NOL4: variants seen among roughly 807,000 people sequenced by gnomAD.
NOL4 encodes the protein cancer/testis antigen 125.
Under a neutral mutation model 75.9 loss-of-function variants are expected in NOL4, and 17 were observed. The ratio of observed to expected loss-of-function variants is 0.22; its 90% CI spans 0.15 to 0.34. NOL4 has a LOEUF of 0.34. NOL4 is among the 10% of genes least tolerant of loss of function. The pLI, the probability that NOL4 is intolerant of heterozygous loss-of-function variation, is 1.00. For synonymous variants in NOL4, 292 were observed against 289.9 expected (o/e 1.01, Z -0.07); for missense variants, 614 against 793.5 (o/e 0.77, Z 2.72).
At position 34,074,439 on chromosome 18, in the gene NOL4, A is replaced by G. The variant is rs192409669; in HGVS notation, c.772+19026T>C. Among the ~76,000 whole-genome samples, 353 of 152,052 alleles carry G rather than the reference A, an allele frequency of 2.3e-3. 1 individual carries two copies. Among genetic ancestry groups the G allele is most frequent in the African/African-American group, 8.0e-3 (331 of 41,570 alleles). On this transcript the variant is annotated intron_variant, in intron 5 of 10. Transcript: ENST00000261592. ...TGTAATAAACACAAACAAAAAATACATACACTAAGAAATTTGCAAGTTTTT... is the reference window on the plus strand; with the variant it reads ...TGTAATAAACACAAACAAAAAATACGTACACTAAGAAATTTGCAAGTTTTT...
rs78680452 is a variant in NOL4, at chr18:33,980,437, C to T, written c.1057-22019G>A. ...ATAGCAAAAGGAGGGGAAAAGTAAC[C>T]ATTTTGAAACATGCCAGAGCATTCT... On this transcript the variant is annotated intron_variant, in intron 6 of 10. Transcript: ENST00000261592. Among the ~76,000 whole-genome samples the T allele has an allele frequency of 4.6e-5, 7 of 151,942 alleles. No individual in the cohort carries two copies. The East Asian group carries it at 1.2e-3, about 25-fold the overall frequency.
intron 5 of NOL4, among the ~76,000 whole-genome samples, chr18:34,051,054 T>C (rs1207876418): frequency 1.3e-5 from 2 of 152,012 alleles, no homozygotes; most frequent in Non-Finnish European, 2.9e-5. Context: ...AGTATCTTTA[T>C]GAGAATTCAA....
chr18:34,071,457 A>ACT (rs2077516572), intron 5 of NOL4, among the ~76,000 whole-genome samples: 1 of 151,820 alleles, frequency 6.6e-6, no homozygotes, highest in African/African-American at 2.4e-5. Context: ...ACACACACAC[A>ACT]CACACACACA....
chr18:34,207,735 A>G (rs1284682769), intron 1 of NOL4, among the ~76,000 whole-genome samples: 1 of 152,140 alleles, frequency 6.6e-6, no homozygotes, highest in Non-Finnish European at 1.5e-5. Flanking sequence ...ACACAATTCC[A>G]TGGGATTGAG....
intron 5 of NOL4, among the ~76,000 whole-genome samples, chr18:34,076,004 G>C (rs2077729210): frequency 6.6e-6 from 1 of 151,954 alleles, no homozygotes; most frequent in Admixed American, 6.6e-5. Flanking sequence ...TTATAAGAAA[G>C]AAAATATAAG....
Position 34,046,618 on chromosome 18 carries a change from A to ATATATATATATATATATATATG in NOL4, c.773-27018_773-27017insCATATATATATATATATATATA, listed in dbSNP as rs1304850540. On this transcript the variant is annotated intron_variant, in intron 5 of 10. Transcript: ENST00000261592. Reference sequence around the variant, plus strand: ...ACTATTTACTTATACATATATATATATATATATATATATATATATGTATAT... The same window carrying ATATATATATATATATATATATG: ...ACTATTTACTTATACATATATATATATATATATATATATATATATATGTATATATATATATATATATGTATAT... Among the ~76,000 whole-genome samples the ATATATATATATATATATATATG allele has an allele frequency of 1.0e-3, 117 of 114,374 alleles. 1 individual carries two copies. Among genetic ancestry groups the ATATATATATATATATATATATG allele is most frequent in the Middle Eastern group, 4.7e-3 (1 of 214 alleles). The allele number at this position is 114,374 out of a possible 152,430, so 75.0% of individuals were successfully genotyped here.
intron 6 of NOL4, among the ~76,000 whole-genome samples, chr18:33,961,698 C>T (rs1303778865): frequency 1.3e-5 from 2 of 152,032 alleles, no homozygotes; most frequent in African/African-American, 2.4e-5. Flanking sequence ...TAACCTCCGA[C>T]ACTGAGAAGA....
intron 10 of NOL4, among the ~76,000 whole-genome samples, chr18:33,854,237 G>T (rs989596222): frequency 1.3e-5 from 2 of 152,066 alleles, no homozygotes; most frequent in African/African-American, 4.8e-5. Context: ...GATAGGTCAA[G>T]ACCCAACCCC....
chr18:34,007,482 C>T (rs1363645260), intron 6 of NOL4, among the ~76,000 whole-genome samples: 1 of 151,890 alleles, frequency 6.6e-6, no homozygotes, highest in African/African-American at 2.4e-5. Flanking sequence ...GGTATAAATA[C>T]CAGCTATCAA....
At chr18:34,017,046 G>A (rs1359226581) in intron 6 of NOL4, among the ~76,000 whole-genome samples, 1 of 151,972 alleles carries the variant, frequency 6.6e-6, no homozygotes, top group Non-Finnish European at 1.5e-5. Context: ...TGCATTCCAG[G>A]CCCTTCATAG....
chr18:34,085,242 A>C (rs1177746990), intron 5 of NOL4, among the ~76,000 whole-genome samples: 2 of 152,212 alleles, frequency 1.3e-5, no homozygotes, highest in African/African-American at 4.8e-5. Flanking sequence ...ACAGAAATCC[A>C]TATTTAAGGA....
chr18:34,146,769 G>A (rs2081417141), intron 1 of NOL4, among the ~76,000 whole-genome samples: 1 of 151,826 alleles, frequency 6.6e-6, no homozygotes, highest in South Asian at 2.1e-4. Context: ...GTCATTGGTA[G>A]CTTGACGGGG....
At position 34,019,444 on chromosome 18, in the gene NOL4, G is replaced by C. The variant is rs759844866; in HGVS notation, c.930C>G (p.Pro310=). ...ATTCCGAAGTTAGCTGCGCAGAGAG[G>C]GGACTGTCACTCAGGTTCAGTGGCT... ...DEQPLNLSDS[P]LSAQLTSEYR... Residue 310 remains proline, a synonymous_variant, in exon 6 of 11, where the codon CCC becomes CCG. Coordinates refer to ENST00000261592, the MANE Select transcript of NOL4 (RefSeq NM_003787.5). 6.2e-7 allele frequency: 1 copy of C among 1,613,938 alleles called. No individual in the cohort carries two copies. Among genetic ancestry groups the C allele is most frequent in the Non-Finnish European group, 8.5e-7 (1 of 1,179,978 alleles).
intron 1 of NOL4, among the ~76,000 whole-genome samples, chr18:34,191,189 A>T (rs1417365033): frequency 6.6e-6 from 1 of 152,100 alleles, no homozygotes. Flanking sequence ...ATCCCCACCC[A>T]ATTCTGCTAA....
intron 1 of NOL4, among the ~76,000 whole-genome samples, chr18:34,208,659 C>A (rs1483739579): frequency 1.3e-5 from 2 of 151,884 alleles, no homozygotes; most frequent in Non-Finnish European, 2.9e-5. Context: ...GAGTTCTAGA[C>A]CAGCCTGGCT....
At chr18:33,886,203 T>C (rs1599744024) in intron 9 of NOL4, among the ~76,000 whole-genome samples, 1 of 150,390 alleles carries the variant, frequency 6.6e-6, no homozygotes, top group African/African-American at 2.4e-5. Flanking sequence ...AAGTGGGAGG[T>C]GTGGATGGTT....
At chr18:33,897,509 A>G (rs550139930) in intron 9 of NOL4, among the ~76,000 whole-genome samples, 1 of 152,296 alleles carries the variant, frequency 6.6e-6, no homozygotes, top group South Asian at 2.1e-4. Flanking sequence ...AAACTAGCAC[A>G]AGAACAGAAA....
At chr18:33,974,498 G>A (rs1422229978) in intron 6 of NOL4, among the ~76,000 whole-genome samples, 6 of 152,240 alleles carry the variant, frequency 3.9e-5, no homozygotes, top group African/African-American at 7.2e-5. Flanking sequence ...CCAGTCATTG[G>A]AGTAGTCAGA....
chr18:34,053,487 C>T (rs1166475945), intron 5 of NOL4, among the ~76,000 whole-genome samples: 1 of 151,892 alleles, frequency 6.6e-6, no homozygotes, highest in African/African-American at 2.4e-5. Flanking sequence ...AGAACTAAAA[C>T]CCAGCATCAA....
Sources: allele counts gnomAD v4.1 joint callset (sites outside exome capture counted in the v4.1 genomes callset), GRCh38; gene constraint gnomAD v4.1.1; transcripts MANE v1.5; gene names NCBI Gene and HGNC (gene_info 2026-07-23, HGNC 2026-07-21).